PRIMPOL: variants seen among roughly 807,000 people sequenced by gnomAD.
PRIMPOL encodes DNA-directed primase/polymerase protein.
PRIMPOL carries 54 observed loss-of-function variants against 63.6 expected under a neutral mutation model. The ratio of observed to expected loss-of-function variants is 0.85; its 90% confidence interval spans 0.68 to 1.07. The LOEUF (loss-of-function observed/expected upper bound fraction) is 1.07. Among genes scored for constraint, PRIMPOL ranks in the 50% least tolerant of loss-of-function variants. The probability of loss-of-function intolerance (pLI) is 0.00; values close to 1 mark genes in which losing one functional copy is unlikely to be tolerated. For synonymous variants in PRIMPOL, 197 were observed against 220.2 expected (o/e 0.89, Z 0.93); for missense variants, 610 against 648.3 (o/e 0.94, Z 0.64).
intron 4 of PRIMPOL, among the ~76,000 whole-genome samples, chr4:184,660,177 C>CT (rs1471535797): frequency 1.4e-5 from 2 of 147,240 alleles, no homozygotes; most frequent in South Asian, 2.2e-4. Context: ...TTTTTTCTTT[C>CT]TTTTTTTTAA....
rs748717711 is a variant in PRIMPOL, at chr4:184,685,444, C to A, written c.1132C>A (p.Pro378Thr). Residue 378 changes from proline (P) to threonine (T), a missense_variant, in exon 10 of 14, where the codon CCT (proline) becomes ACT (threonine). This residue lies in a region of PRIMPOL where 444 missense variants were observed against 456.4 expected (regional missense o/e 0.97). Transcript: ENST00000314970. ...TGAAGGTTTTCAGTGTTCTCCCTATCCTGAAGTTGATCATTTTGTTCTTTC... is the reference window on the plus strand; with the variant it reads ...TGAAGGTTTTCAGTGTTCTCCCTATACTGAAGTTGATCATTTTGTTCTTTC... ...TIEGFQCSPY[P>T]EVDHFVLSLV... The A allele has an allele frequency of 1.2e-6, 2 of 1,612,696 alleles. No homozygotes were observed. Among genetic ancestry groups the A allele is most frequent in the South Asian group, 2.2e-5 (2 of 91,070 alleles).
chr4:184,693,129 C>T (rs1000154738), intron 13 of PRIMPOL, among the ~76,000 whole-genome samples: 4 of 152,048 alleles, frequency 2.6e-5, no homozygotes, highest in Non-Finnish European at 4.4e-5. Context: ...ACACGTCTCT[C>T]GAAAAAACTC....
chr4:184,687,768 C>T (rs1230418417), intron 11 of PRIMPOL, among the ~76,000 whole-genome samples: 1 of 152,130 alleles, frequency 6.6e-6, no homozygotes, highest in Non-Finnish European at 1.5e-5. Context: ...GCATGCGCCA[C>T]CATGCCCAGC....
intron 5 of PRIMPOL, among the ~76,000 whole-genome samples, chr4:184,665,195 T>C (rs1465139897): frequency 6.6e-6 from 1 of 152,180 alleles, no homozygotes; most frequent in Non-Finnish European, 1.5e-5. Context: ...GCTAAAAATT[T>C]CCATTTTCTT....
intron 9 of PRIMPOL, among the ~76,000 whole-genome samples, chr4:184,683,180 C>T (rs1396076506): frequency 6.6e-6 from 1 of 152,176 alleles, no homozygotes; most frequent in African/African-American, 2.4e-5. Context: ...CCTCTAATCC[C>T]AGCACTTTGG....
chr4:184,678,751 C>T (rs562805244), intron 8 of PRIMPOL, among the ~76,000 whole-genome samples: 2 of 152,218 alleles, frequency 1.3e-5, no homozygotes, highest in South Asian at 2.1e-4. Flanking sequence ...TTGTCTCGAA[C>T]TCCTGACCTC....
chr4:184,669,092 C>T (rs1018774912), intron 6 of PRIMPOL, among the ~76,000 whole-genome samples: 3 of 152,104 alleles, frequency 2.0e-5, no homozygotes, highest in African/African-American at 7.2e-5. Flanking sequence ...TGCATTCATT[C>T]AGAAGGCATT....
chr4:184,649,798 G>A lies in PRIMPOL; in HGVS notation c.-248G>A, dbSNP rs1743623667. On this transcript the variant is annotated 5_prime_UTR_variant, in exon 1 of 14. Coordinates refer to ENST00000314970, the MANE Select transcript of PRIMPOL (RefSeq NM_152683.4). The stretch of plus-strand genomic sequence containing the variant: ...GCGGGATTCTGGAGGGAAATTGAGG[G>A]AGACTTGGAAACCGCGCCAGGCCCA... The A allele has an allele frequency of 1.3e-5, 2 of 152,388 alleles. No individual in the cohort carries two copies. The highest frequency in any genetic ancestry group is 2.4e-5 in the African/African-American group (1 of 41,486). 9.4% of individuals were successfully genotyped at this position (152,388 alleles called of 1,614,324 possible). A position where few individuals can be genotyped will look rare whatever the true frequency, so the allele number is the denominator to read the frequency against.
intron 7 of PRIMPOL, among the ~76,000 whole-genome samples, chr4:184,677,927 G>C (rs1466397719): frequency 6.6e-6 from 1 of 152,178 alleles, no homozygotes; most frequent in Non-Finnish European, 1.5e-5. Flanking sequence ...GCTCCGCACA[G>C]CTTCACTGTC....
chr4:184,652,406 GAA>G (rs11307336), intron 2 of PRIMPOL, among the ~76,000 whole-genome samples: 13 of 148,812 alleles, frequency 8.7e-5, no homozygotes, highest in East Asian at 2.0e-4. Flanking sequence ...GGAGGAACTG[GAA>G]AAAAAAAAAG....
intron 8 of PRIMPOL, among the ~76,000 whole-genome samples, chr4:184,681,221 C>T (rs1755532600): frequency 6.6e-6 from 1 of 151,966 alleles, no homozygotes; most frequent in Non-Finnish European, 1.5e-5. Flanking sequence ...CTGTTTTTCC[C>T]CTTTGCTCTC....
chr4:184,682,628 G>A (rs1579584095), intron 9 of PRIMPOL, among the ~76,000 whole-genome samples: 1 of 152,264 alleles, frequency 6.6e-6, no homozygotes, highest in South Asian at 2.1e-4. Context: ...GGTTACAGGT[G>A]CAAGCCACTG....
intron 5 of PRIMPOL, among the ~76,000 whole-genome samples, chr4:184,663,081 G>A (rs1162584032): frequency 6.7e-6 from 1 of 148,752 alleles, no homozygotes; most frequent in African/African-American, 2.5e-5. Flanking sequence ...GTCTAGCTCT[G>A]TCACCCAGAC....
intron 11 of PRIMPOL, among the ~76,000 whole-genome samples, chr4:184,687,580 G>C (rs544452934): frequency 9.9e-5 from 15 of 152,066 alleles, no homozygotes; most frequent in African/African-American, 3.4e-4. Flanking sequence ...TCCCATATAC[G>C]TTCATATCTC....
chr4:184,653,657 A>G (rs549817561), intron 2 of PRIMPOL, among the ~76,000 whole-genome samples: 176 of 152,352 alleles, frequency 1.2e-3, no homozygotes, highest in Non-Finnish European at 1.6e-3. Flanking sequence ...GCGGAGCCCA[A>G]TCTTTTAAAA....
chr4:184,692,018 C>T (rs765746864), intron 13 of PRIMPOL, among the ~76,000 whole-genome samples: 32 of 151,638 alleles, frequency 2.1e-4, no homozygotes, highest in Non-Finnish European at 3.8e-4. Flanking sequence ...TTTCTTTGAA[C>T]ATCTGTATCT....
At chr4:184,680,154 A>G (rs1033703397) in intron 8 of PRIMPOL, among the ~76,000 whole-genome samples, 8 of 151,832 alleles carry the variant, frequency 5.3e-5, no homozygotes, top group South Asian at 2.1e-4. Flanking sequence ...CTAAATTACC[A>G]TCAACTTGCC....
chr4:184,653,294 G>A (rs1192327835), intron 2 of PRIMPOL, among the ~76,000 whole-genome samples: 1 of 152,078 alleles, frequency 6.6e-6, no homozygotes, highest in Non-Finnish European at 1.5e-5. Context: ...ATAAACGCAG[G>A]GAAGCTGGGG....
chr4:184,657,443 A>AT, intron 3 of PRIMPOL, 123 bp downstream of exon 3: 1 of 785,886 alleles, frequency 1.3e-6, no homozygotes, highest in Non-Finnish European at 1.9e-6. Context: ...ATTTCAGGCC[A>AT]TGTATTCTAC....
Sources: allele counts gnomAD v4.1 joint callset (sites outside exome capture counted in the v4.1 genomes callset), GRCh38; gene constraint gnomAD v4.1.1; regional missense constraint gnomAD v4.1.1; transcripts MANE v1.5; gene names NCBI Gene and HGNC (gene_info 2026-07-23, HGNC 2026-07-21).